The following FAM53A variants were observed in gnomAD, a reference collection of about 807,000 sequenced individuals.
FAM53A encodes protein FAM53A.
Under a neutral mutation model 26.6 loss-of-function variants are expected in FAM53A, and 28 were observed. That is an observed-to-expected ratio of 1.05 (90% CI 0.78 to 1.45). The LOEUF (loss-of-function observed/expected upper bound fraction) is 1.45. Ranked by LOEUF, FAM53A falls within the 40% of genes most tolerant of loss-of-function variation. FAM53A has a pLI of 0.00. For missense variants in FAM53A, 650 were observed against 575.8 expected (o/e 1.13, Z -1.32); for synonymous variants, 290 against 253.1 (o/e 1.15, Z -1.38).
chr4:1,582,709 C>T, the FAM53A span, among the ~76,000 whole-genome samples: 3,594 of 152,192 alleles, frequency 0.024, 122 homozygotes, highest in African/African-American at 0.082. Context: ...AAAAATTAGC[C>T]AGGTGTGTGG....
At chr4:1,680,710 C>T (rs529987246) in intron 1 of FAM53A, among the ~76,000 whole-genome samples, 4 of 151,890 alleles carry the variant, frequency 2.6e-5, no homozygotes, top group South Asian at 4.1e-4. Flanking sequence ...GTGAAAGAAA[C>T]GGGTCTGAAA....
At chr4:1,633,058 G>A (rs537932951) in intron 1 of FAM53A, among the ~76,000 whole-genome samples, 13 of 149,934 alleles carry the variant, frequency 8.7e-5, no homozygotes, top group East Asian at 3.9e-4. Flanking sequence ...ATGCTCATGC[G>A]CACACACATA....
the FAM53A span, among the ~76,000 whole-genome samples, chr4:1,597,951 G>A: frequency 4.5e-3 from 693 of 152,330 alleles, 6 homozygotes; most frequent in African/African-American, 0.016. Flanking sequence ...AGCTGAGATC[G>A]CACCACTGCA....
chr4:1,637,698 G>A (rs1715909119), downstream of FAM53A, among the ~76,000 whole-genome samples: 2 of 152,108 alleles, frequency 1.3e-5, no homozygotes, highest in East Asian at 1.9e-4. Context: ...GGGGCAGGGA[G>A]GGGCCTGTCT....
intron 1 of FAM53A, among the ~76,000 whole-genome samples, chr4:1,675,767 C>T (rs901784794): frequency 2.0e-5 from 3 of 152,184 alleles, no homozygotes; most frequent in African/African-American, 7.2e-5. Flanking sequence ...GCCCTTAGGA[C>T]AGAGGCCAAA....
At chr4:1,577,959 G>A in the FAM53A span, among the ~76,000 whole-genome samples, 1 of 152,002 alleles carries the variant, frequency 6.6e-6, no homozygotes, top group African/African-American at 2.4e-5. Context: ...CTGTGGGGGT[G>A]CTGCCCGGGG....
intron 1 of FAM53A, among the ~76,000 whole-genome samples, chr4:1,622,990 T>C (rs1273888449): frequency 2.0e-5 from 3 of 152,188 alleles, no homozygotes; most frequent in African/African-American, 7.2e-5. Flanking sequence ...CAACCTACGA[T>C]CGCTCTTGTG....
chr4:1,657,143 C>G (rs189064359), intron 3 of FAM53A, among the ~76,000 whole-genome samples: 42 of 152,304 alleles, frequency 2.8e-4, no homozygotes, highest in African/African-American at 1.0e-3. Context: ...CGCAGCAGAC[C>G]CCTGGGCCCC....
At chr4:1,677,038 C>A (rs751518620) in intron 1 of FAM53A, among the ~76,000 whole-genome samples, 1 of 152,164 alleles carries the variant, frequency 6.6e-6, no homozygotes, top group South Asian at 2.1e-4. Context: ...TGGAGTCCCA[C>A]CTTGTGCTCA....
At chr4:1,609,915 A>T in the FAM53A span, among the ~76,000 whole-genome samples, 2 of 152,106 alleles carry the variant, frequency 1.3e-5, no homozygotes, top group Admixed American at 1.3e-4. Flanking sequence ...GTGAGCCGAG[A>T]TCGCGCCACT....
At chr4:1,614,137 A>C (rs553555591), downstream of FAM53A, among the ~76,000 whole-genome samples, 31 of 152,284 alleles carry the variant, frequency 2.0e-4, 1 homozygote, top group South Asian at 6.2e-3. Context: ...CTGGAGGGGC[A>C]TAGCACAGCC....
Position 1,659,517 on chromosome 4 carries a change from C to T in FAM53A, c.76-2049G>A, listed in dbSNP as rs541012804. Among the ~76,000 whole-genome samples, 1 of 152,326 alleles carries T rather than the reference C, an allele frequency of 6.6e-6. No homozygotes were observed. The highest frequency in any genetic ancestry group is 2.4e-5 in the African/African-American group (1 of 41,576). ...AGCTTGAAGGAGCCACAGGCCCGCA[C>T]GGTCCCAAATGTGACCACCTCTATG... On this transcript the variant is annotated intron_variant, in intron 2 of 4. Coordinates refer to ENST00000308132, the MANE Select transcript of FAM53A (RefSeq NM_001174070.3). The surrounding 1 kb of genome is among the most constrained non-coding windows in gnomAD (Gnocchi z 5.2).
chr4:1,584,273 T>C, the FAM53A span, among the ~76,000 whole-genome samples: 16 of 152,220 alleles, frequency 1.1e-4, no homozygotes, highest in African/African-American at 3.9e-4. Context: ...ACAAAGAAAT[T>C]CCACAGCATT....
rs1323861956 is a variant in FAM53A at position 1,659,396 on chromosome 4, C to T, written c.76-1928G>A. Among the ~76,000 whole-genome samples the T allele has an allele frequency of 2.0e-5, 3 of 152,240 alleles. No individual in the cohort carries two copies. The highest frequency in any genetic ancestry group is 2.9e-5 in the Non-Finnish European group (2 of 68,038). ...CCTGTTCCGCACAGCACCCGTTCCCCGGGGCCACATGAACAGCACCCAGCT... is the reference window on the plus strand; with the variant it reads ...CCTGTTCCGCACAGCACCCGTTCCCTGGGGCCACATGAACAGCACCCAGCT... On this transcript the variant is annotated intron_variant, in intron 2 of 4. Coordinates refer to ENST00000308132, the MANE Select transcript of FAM53A (RefSeq NM_001174070.3). The surrounding 1 kb of genome is among the most constrained non-coding windows in gnomAD (Gnocchi z 5.2).
chr4:1,620,183 G>T (rs1714967037), intron 1 of FAM53A, among the ~76,000 whole-genome samples: 1 of 149,550 alleles, frequency 6.7e-6, no homozygotes, highest in Non-Finnish European at 1.5e-5. Flanking sequence ...CTCCAGGCTG[G>T]GTGACAGAGT....
chr4:1,624,018 T>C (rs1489556328), intron 1 of FAM53A, among the ~76,000 whole-genome samples: 1 of 152,062 alleles, frequency 6.6e-6, no homozygotes, highest in Non-Finnish European at 1.5e-5. Flanking sequence ...GTGTGAGGCC[T>C]GAGATTCCCG....
At chr4:1,638,627 G>C (rs977683352), downstream of FAM53A, among the ~76,000 whole-genome samples, 1 of 152,194 alleles carries the variant, frequency 6.6e-6, no homozygotes, top group Non-Finnish European at 1.5e-5. Flanking sequence ...CAAGTCCAAG[G>C]GTTGCAGGCA....
intron 4 of FAM53A, among the ~76,000 whole-genome samples, chr4:1,653,439 C>T (rs948174486): frequency 2.6e-5 from 4 of 152,174 alleles, no homozygotes; most frequent in African/African-American, 9.7e-5. Flanking sequence ...CATCATTCCC[C>T]GCCCCACAAC....
rs1038898125 is a variant in FAM53A at position 1,657,885 on chromosome 4, C to A, written c.76-417G>T. 6.6e-5 allele frequency among the ~76,000 whole-genome samples: 10 copies of A among 152,102 alleles called. 1 individual carries two copies. In the South Asian group the frequency reaches 2.1e-3, roughly 32 times the overall value. ...CCATCTCCTGACCTCGTGATCCGCC[C>A]GCCTCAGCCTCCTAAAGTGCTGGAA... On this transcript the variant is annotated intron_variant, in intron 2 of 4. Transcript: ENST00000308132.
Sources: gnomAD v4.1 joint callset for allele counts (sites outside exome capture counted in the v4.1 genomes callset) on GRCh38, gnomAD v4.1.1 for gene constraint, Gnocchi (gnomAD v3.1) non-coding constraint, MANE v1.5 for transcripts, NCBI Gene and HGNC (gene_info 2026-07-23, HGNC 2026-07-21) for gene names.